Variants in TMEM143 observed in about 807,000 individuals in gnomAD.
The protein encoded by TMEM143 is transmembrane protein 143.
In TMEM143, 45 loss-of-function variants were observed where a neutral mutation model predicts 40.3. The ratio of observed to expected loss-of-function variants is 1.12; its 90% CI spans 0.88 to 1.43. TMEM143 has a LOEUF of 1.43. Among genes scored for constraint, TMEM143 ranks in the 40% most tolerant of loss-of-function variants. The pLI is 0.00. For missense variants in TMEM143, 620 were observed against 613.4 expected (o/e 1.01, Z -0.11); for synonymous variants, 299 against 282.7 (o/e 1.06, Z -0.58).
chr19:48,334,111 G>C lies in TMEM143; in HGVS notation c.1062C>G (p.Leu354=), dbSNP rs1405501037. 11 of 1,602,102 alleles carry C rather than the reference G, an allele frequency of 6.9e-6. No individual in the cohort carries two copies. Among genetic ancestry groups the C allele is most frequent in the Non-Finnish European group, 8.5e-6 (10 of 1,175,250 alleles). Residue 354 remains leucine, a synonymous_variant, in exon 7 of 8, where the codon CTC becomes CTG. Transcript: ENST00000293261. ...YRSTSNNSEL[L]SALALRAQDE... is the part of the protein sequence containing the mutation. ...CCTGCGCGCGCAGGGCCAGGGCGCT[G>C]AGCAGCTCCGAGTTGTTGGACGTAC... is the stretch of plus-strand genomic sequence containing the variant.
chr19:48,356,974 G>A (rs12608580), intron 3 of TMEM143, among the ~76,000 whole-genome samples: 44,870 of 135,076 alleles, frequency 0.33, 7,413 homozygotes, highest in East Asian at 0.49. Flanking sequence ...GCGCGATCTC[G>A]GTTCACTGCA....
At chr19:48,348,752 C>T (rs145890773) in intron 3 of TMEM143, among the ~76,000 whole-genome samples, 2 of 152,134 alleles carry the variant, frequency 1.3e-5, no homozygotes, top group Non-Finnish European at 2.9e-5. Context: ...CACATTTGAC[C>T]ATGTCAATCT....
At position 48,342,672 on chromosome 19, in the gene TMEM143, C is replaced by T. The variant is rs1242619832; in HGVS notation, c.833G>A (p.Arg278His). 8.7e-6 allele frequency: 14 copies of T among 1,614,012 alleles called. No individual in the cohort carries two copies. The highest frequency in any genetic ancestry group is 2.2e-5 in the South Asian group (2 of 91,090). Reference protein sequence around the residue: ...ELKVRTPTLQRALLNLMLVVS... With the variant: ...ELKVRTPTLQHALLNLMLVVS... Reference sequence around the variant, plus strand: ...TACCAGCATGAGGTTGAGCAGGGCGCGCTGCAGGGTGGGCGTGCGCACCTT... The same window carrying T: ...TACCAGCATGAGGTTGAGCAGGGCGTGCTGCAGGGTGGGCGTGCGCACCTT... The change falls in exon 6 of 8, where the codon CGC becomes CAC. Residue 278 changes from arginine to histidine, a missense_variant. Arg to His is a conservative substitution (Grantham distance 29). Coordinates refer to ENST00000293261, the MANE Select transcript of TMEM143 (RefSeq NM_018273.4).
intron 6 of TMEM143, among the ~76,000 whole-genome samples, chr19:48,338,125 C>G (rs1287405852): frequency 6.6e-6 from 1 of 152,136 alleles, no homozygotes; most frequent in Non-Finnish European, 1.5e-5. Context: ...AGTCACAGGC[C>G]AGGCCCCTGG....
At position 48,334,144 on chromosome 19, in the gene TMEM143, G is replaced by C; in HGVS notation, c.1029C>G (p.Tyr343Ter). Residue 343 changes from tyrosine (Y) to a stop codon, truncating the protein, a stop_gained, in exon 7 of 8, where the codon TAC (tyrosine) becomes TAG (stop). Transcript: ENST00000293261. LOFTEE classifies it high-confidence loss of function. Reference sequence around the variant, plus strand: ...CCGAGTTGTTGGACGTACTGCGATAGTACAGCATGTGCGCCAGCTCCAACG... The same window carrying C: ...CCGAGTTGTTGGACGTACTGCGATACTACAGCATGTGCGCCAGCTCCAACG... The part of the protein sequence containing the change: ...AQALELAHML[Y>*]YRSTSNNSEL... 1 of 1,608,582 alleles carries C rather than the reference G, an allele frequency of 6.2e-7. No homozygotes were observed.
chr19:48,351,622 C>G (rs753114238), intron 3 of TMEM143, among the ~76,000 whole-genome samples: 36 of 152,036 alleles, frequency 2.4e-4, no homozygotes, highest in Non-Finnish European at 5.0e-4. Context: ...TTCCCTGGGT[C>G]GCCAGGCTCT....
intron 3 of TMEM143, among the ~76,000 whole-genome samples, chr19:48,348,875 T>C (rs1056226680): frequency 3.9e-5 from 6 of 152,124 alleles, no homozygotes; most frequent in African/African-American, 9.7e-5. Context: ...CTCCATACCA[T>C]CCAGACTGTC....
chr19:48,360,151 T>A lies in TMEM143; in HGVS notation c.290A>T (p.Lys97Met), dbSNP rs760382207. 3.7e-6 allele frequency: 6 copies of A among 1,614,012 alleles called. No individual in the cohort carries two copies. The highest frequency in any genetic ancestry group is 5.1e-6 in the Non-Finnish European group (6 of 1,180,004). Reference sequence around the variant, plus strand: ...GGCCGAGAACGCCTCCAAAGCCGCCTTCTCTGCCGGACTCGAGTGGAATTC... The same window carrying A: ...GGCCGAGAACGCCTCCAAAGCCGCCATCTCTGCCGGACTCGAGTGGAATTC... The part of the protein sequence containing the change: ...IQEFHSSPAE[K>M]AALEAFSAHV... Residue 97 changes from lysine (K) to methionine (M), a missense_variant, in exon 3 of 8, where the codon AAG (lysine) becomes ATG (methionine). Physicochemically the swap from Lys to Met is moderately conservative, Grantham distance 95 (BLOSUM62 -1). Transcript: ENST00000293261.
chr19:48,363,789 G>T lies in TMEM143; in HGVS notation c.23+109C>A, dbSNP rs529373679. On this transcript the variant is annotated intron_variant, in intron 1 of 7. Coordinates refer to ENST00000293261, the MANE Select transcript of TMEM143 (RefSeq NM_018273.4). ...TGTAGTGGTACAACGTTTCTTTGGG[G>T]TCTAGACAGCGAGGTAGATCTTAGG... 2.6e-6 allele frequency: 4 copies of T among 1,567,184 alleles called. No individual in the cohort carries two copies. The African/African-American group carries it at 4.1e-5, about 16-fold the overall frequency.
chr19:48,337,022 CAA>C (rs1000750493), intron 6 of TMEM143, among the ~76,000 whole-genome samples: 5 of 117,722 alleles, frequency 4.2e-5, no homozygotes, highest in African/African-American at 3.2e-5. Flanking sequence ...CTCAGTCTCA[CAA>C]AAAAAAAAAA....
chr19:48,349,380 C>T (rs528796617), intron 3 of TMEM143, among the ~76,000 whole-genome samples: 2 of 152,284 alleles, frequency 1.3e-5, no homozygotes, highest in African/African-American at 4.8e-5. Flanking sequence ...CAGTGGCTCA[C>T]GCCTGTAATC....
intron 6 of TMEM143, among the ~76,000 whole-genome samples, chr19:48,334,476 TTCTTTTTC>T (rs1430171429): frequency 2.2e-4 from 13 of 60,098 alleles, no homozygotes; most frequent in East Asian, 4.5e-4. Context: ...CTTTCTTTCT[TTCTTTTTC>T]TTTCTTTCTT....
chr19:48,333,926 TGGGGGTGG>T lies in TMEM143; in HGVS notation c.1165+74_1165+81del. ...ACCCGTCAGGTTCACCCGTGGGAACTGGGGGTGGGGACGCATCTCGCTGGGGCGGGGCC... is the reference window on the plus strand; with the variant it reads ...ACCCGTCAGGTTCACCCGTGGGAACTGGACGCATCTCGCTGGGGCGGGGCC... On this transcript the variant is annotated intron_variant, in intron 7 of 7. Transcript: ENST00000293261. This position sits in a 1 kb window ranked among gnomAD's most constrained non-coding sequence, Gnocchi z 4.1. The T allele has an allele frequency of 7.2e-7, 1 of 1,382,284 alleles. No individual in the cohort carries two copies. The highest frequency in any genetic ancestry group is 1.4e-5 in the South Asian group (1 of 69,548). The allele number at this position is 1,382,284 out of a possible 1,614,324, so 85.6% of individuals were successfully genotyped here.
In TMEM143 at chr19:48,339,794, T is replaced by A. The variant is rs537037293; in HGVS notation, c.975+2736A>T. The stretch of plus-strand genomic sequence containing the variant: ...CCGAGGCTGGAATGCAGTGGCGCAA[T>A]CTCAGCTCACTGCAACCTCCACCTC... On this transcript the variant is annotated intron_variant, in intron 6 of 7. Coordinates refer to ENST00000293261, the MANE Select transcript of TMEM143 (RefSeq NM_018273.4). 1.2e-3 allele frequency among the ~76,000 whole-genome samples: 188 copies of A among 152,258 alleles called. 1 individual carries two copies. Among genetic ancestry groups the A allele is most frequent in the African/African-American group, 4.4e-3 (183 of 41,546 alleles).
Position 48,333,303 on chromosome 19 carries a change from TG to T in TMEM143, c.1295del (p.Pro432HisfsTer8). 6.3e-7 allele frequency: 1 copy of T among 1,574,972 alleles called. No homozygotes were observed. On this transcript the variant is annotated frameshift_variant, in exon 8 of 8. Coordinates refer to ENST00000293261, the MANE Select transcript of TMEM143 (RefSeq NM_018273.4). LOFTEE classifies it low-confidence loss of function (END_TRUNC). The surrounding 1 kb of genome is among the most constrained non-coding windows in gnomAD (Gnocchi z 4.1). The stretch of plus-strand genomic sequence containing the variant: ...GGTCTAGTTTGGGGAAACCCGGGGG[TG>T]GGTACAATCCCATGCTGGGGGTCAG... ...QALTPSMGLY[P>X]PPGFPKLDPV...
In TMEM143 at chr19:48,342,732, G is replaced by A. The variant is rs200076856; in HGVS notation, c.773C>T (p.Pro258Leu). Residue 258 changes from proline (P) to leucine (L), a missense_variant, in exon 6 of 8, where the codon CCG becomes CTG. Pro to Leu is a moderately conservative substitution (Grantham distance 98). Transcript: ENST00000293261. ...HLVLKSFKDT[P>L]LEGLEQLLPE... is the part of the protein sequence containing the mutation. Reference sequence around the variant, plus strand: ...CAGCAGCTGCTCCAGGCCTTCCAGCGGCGTGTCCTTGAAACTCTTCAGTAC... The same window carrying A: ...CAGCAGCTGCTCCAGGCCTTCCAGCAGCGTGTCCTTGAAACTCTTCAGTAC... 191 of 1,614,006 alleles carry A rather than the reference G, an allele frequency of 1.2e-4. No homozygotes were observed. The highest frequency in any genetic ancestry group is 1.6e-4 in the Non-Finnish European group (184 of 1,180,008).
intron 2 of TMEM143, chr19:48,360,538 A>G (rs1049612386): frequency 4.2e-6 from 1 of 239,536 alleles, no homozygotes; most frequent in Admixed American, 6.2e-5. Flanking sequence ...AGATCGTGCC[A>G]CTGCCCTCCA....
chr19:48,341,173 G>T (rs952062558), intron 6 of TMEM143, among the ~76,000 whole-genome samples: 1 of 152,208 alleles, frequency 6.6e-6, no homozygotes, highest in East Asian at 1.9e-4. Context: ...TCCTGGGGCC[G>T]GTGCCAACCC....
intron 3 of TMEM143, among the ~76,000 whole-genome samples, chr19:48,358,494 C>T (rs990548104): frequency 6.6e-6 from 1 of 152,076 alleles, no homozygotes; most frequent in African/African-American, 2.4e-5. Flanking sequence ...TTCTCCCCAT[C>T]CCACCACGGT....
Sources: allele counts gnomAD v4.1 joint callset (sites outside exome capture counted in the v4.1 genomes callset), GRCh38; gene constraint gnomAD v4.1.1; non-coding constraint Gnocchi (gnomAD v3.1); transcripts MANE v1.5; gene names NCBI Gene and HGNC (gene_info 2026-07-23, HGNC 2026-07-21).